The following GRM4 variants were observed in gnomAD, a reference collection of about 807,000 sequenced individuals.
GRM4 encodes glutamate metabotropic receptor 4, also known as metabotropic glutamate receptor 4.
Under a neutral mutation model 81.7 loss-of-function variants are expected in GRM4, and 28 were observed. That is an observed-to-expected ratio of 0.34 (90% CI 0.25 to 0.47). The LOEUF (loss-of-function observed/expected upper bound fraction) is 0.47. Among genes scored for constraint, GRM4 ranks in the 20% least tolerant of loss-of-function variants. GRM4 has a pLI of 1.00. For synonymous variants in GRM4, 488 were observed against 528.8 expected (o/e 0.92, Z 1.06); for missense variants, 948 against 1,290.0 (o/e 0.73, Z 4.06).
At chr6:34,101,838 A>G (rs1057226301) in intron 2 of GRM4, among the ~76,000 whole-genome samples, 11 of 152,256 alleles carry the variant, frequency 7.2e-5, no homozygotes, top group Non-Finnish European at 1.5e-4. Context: ...TAGAAATTCC[A>G]TCATCAAGCC....
intron 3 of GRM4, among the ~76,000 whole-genome samples, chr6:34,071,358 C>G (rs1003611219): frequency 1.2e-5 from 1 of 84,338 alleles, no homozygotes; most frequent in African/African-American, 4.6e-5. Context: ...GCACCACACA[C>G]ACACATCACC....
Position 34,077,268 on chromosome 6 carries a change from C to T in GRM4, c.736+14615G>A, listed in dbSNP as rs186224919. 7.2e-5 allele frequency among the ~76,000 whole-genome samples: 11 copies of T among 152,202 alleles called. No homozygotes were observed. The South Asian group carries it at 8.3e-4, about 11-fold the overall frequency. ...AACCAGAGAGGGGCCAGGATTTGCC[C>T]GAGGCTGACCAGCACATGCCGCTCT... On this transcript the variant is annotated intron_variant, in intron 3 of 10. Coordinates refer to ENST00000538487, the MANE Select transcript of GRM4 (RefSeq NM_000841.4).
rs34986686 is a variant in GRM4 at position 34,115,283 on chromosome 6, C to T, written c.519+17695G>A. Among the ~76,000 whole-genome samples the T allele has an allele frequency of 7.7e-3, 1,168 of 152,332 alleles. 8 individuals carry two copies. Among genetic ancestry groups the T allele is most frequent in the Middle Eastern group, 0.027 (8 of 292 alleles). ...GTGTGTGCATGCGTGTGGCCACCCC[C>T]GTGGGTGAGGACAGCAGGCACAACA... On this transcript the variant is annotated intron_variant, in intron 2 of 10. Transcript: ENST00000538487. The surrounding 1 kb of genome is among the most constrained non-coding windows in gnomAD (Gnocchi z 4.1).
intron 2 of GRM4, among the ~76,000 whole-genome samples, chr6:34,119,837 C>T (rs34587186): frequency 7.0e-4 from 106 of 152,220 alleles, no homozygotes; most frequent in Admixed American, 1.8e-3. Context: ...TTTGGTGGGG[C>T]GTAGAGGGGG....
chr6:34,041,537 T>C (rs1426880274), intron 6 of GRM4, among the ~76,000 whole-genome samples: 1 of 152,218 alleles, frequency 6.6e-6, no homozygotes, highest in African/African-American at 2.4e-5. Context: ...CACTGACCTC[T>C]GCTCTGGGGC....
chr6:34,155,134 C>T (rs975263078), exon 1 of GRM4: 2 of 1,534,396 alleles, frequency 1.3e-6, no homozygotes, highest in African/African-American at 1.4e-5. Context: ...TTCAGGGCTG[C>T]TTCCCAGCTG....
chr6:34,128,646 G>A (rs920591525), intron 2 of GRM4, among the ~76,000 whole-genome samples: 1 of 152,116 alleles, frequency 6.6e-6, no homozygotes, highest in Admixed American at 6.5e-5. Flanking sequence ...CCAAAGTGCT[G>A]GGATTACAGG....
chr6:34,028,077 G>C, intron 10 of GRM4, 43 bp downstream of exon 10: 2 of 1,575,208 alleles, frequency 1.3e-6, no homozygotes, highest in Non-Finnish European at 1.7e-6. Flanking sequence ...CAAAAGGAGC[G>C]GGGCCTGGGG....
rs1767234986 is a variant in GRM4, at chr6:34,074,901, C to A, written c.737-12873G>T. On this transcript the variant is annotated intron_variant, in intron 3 of 10. Coordinates refer to ENST00000538487, the MANE Select transcript of GRM4 (RefSeq NM_000841.4). The surrounding 1 kb of genome is among the most constrained non-coding windows in gnomAD (Gnocchi z 4.9). ...GGTCCCTACCCCAGGTCAACCCACC[C>A]AGGCCCTACTGTCCCCCACCCTCAG... 6.6e-6 allele frequency among the ~76,000 whole-genome samples: 1 copy of A among 152,170 alleles called. No homozygotes were observed. The highest frequency in any genetic ancestry group is 2.4e-5 in the African/African-American group (1 of 41,438).
intron 5 of GRM4, among the ~76,000 whole-genome samples, chr6:34,057,425 G>T (rs541254089): frequency 6.6e-6 from 1 of 152,346 alleles, no homozygotes; most frequent in South Asian, 2.1e-4. Flanking sequence ...CGGCCACGTG[G>T]CAGGAGACGC....
Position 34,130,761 on chromosome 6 carries a change from C to T in GRM4, c.519+2217G>A, listed in dbSNP as rs914750895. Among the ~76,000 whole-genome samples the T allele has an allele frequency of 9.2e-5, 14 of 152,262 alleles. No individual in the cohort carries two copies. Among genetic ancestry groups the T allele is most frequent in the East Asian group, 1.9e-4 (1 of 5,206 alleles). On this transcript the variant is annotated intron_variant, in intron 2 of 10. Coordinates refer to ENST00000538487, the MANE Select transcript of GRM4 (RefSeq NM_000841.4). The surrounding 1 kb of genome is among the most constrained non-coding windows in gnomAD (Gnocchi z 4.1). ...CTCCCTGTAAAGTAGGCACTCACTC[C>T]GCTCTGGAAAACAGGGGAAGGGATC...
upstream of GRM4, among the ~76,000 whole-genome samples, chr6:34,147,158 T>G (rs1770954188): frequency 6.6e-6 from 1 of 152,244 alleles, no homozygotes; most frequent in South Asian, 2.1e-4. Flanking sequence ...CCAATCGGTC[T>G]GAAGTCTCTG....
At chr6:34,116,885 C>T (rs1005569336) in intron 2 of GRM4, among the ~76,000 whole-genome samples, 2 of 152,186 alleles carry the variant, frequency 1.3e-5, no homozygotes, top group Admixed American at 6.5e-5. Flanking sequence ...GGGGTTCTCA[C>T]AGACAATGTG....
At chr6:34,077,173 C>G (rs1260161662) in intron 3 of GRM4, among the ~76,000 whole-genome samples, 1 of 152,110 alleles carries the variant, frequency 6.6e-6, no homozygotes, top group African/African-American at 2.4e-5. Context: ...CCACATATTT[C>G]CCCACATGTC....
chr6:34,066,693 G>T (rs540915192), intron 3 of GRM4, among the ~76,000 whole-genome samples: 1 of 151,948 alleles, frequency 6.6e-6, no homozygotes, highest in Non-Finnish European at 1.5e-5. Context: ...GGAGAAGAGA[G>T]GAACAGGACT....
intron 2 of GRM4, among the ~76,000 whole-genome samples, chr6:34,105,276 C>T (rs1769063934): frequency 6.6e-6 from 1 of 152,064 alleles, no homozygotes; most frequent in Admixed American, 6.5e-5. Flanking sequence ...GCTCTGGGGG[C>T]TTCCACTGGG....
At position 34,035,206 on chromosome 6, in the gene GRM4, C is replaced by T. The variant is rs1764624022; in HGVS notation, c.2442+462G>A. On this transcript the variant is annotated intron_variant, in intron 9 of 10. Transcript: ENST00000538487. The surrounding 1 kb of genome is among the most constrained non-coding windows in gnomAD (Gnocchi z 6.6). ...ATGAAGAGTGAAGGAGGGTACAGCG[C>T]TCCAGGCTTATGGAGGGGGGAAGGG... Among the ~76,000 whole-genome samples the T allele has an allele frequency of 1.3e-5, 2 of 150,108 alleles. No individual in the cohort carries two copies. The highest frequency in any genetic ancestry group is 4.9e-5 in the African/African-American group (2 of 40,602).
At chr6:34,044,455 GAC>G (rs368048670) in intron 6 of GRM4, among the ~76,000 whole-genome samples, 21 of 103,768 alleles carry the variant, frequency 2.0e-4, no homozygotes, top group South Asian at 6.3e-4. Context: ...CACATATATA[GAC>G]ACACACACAG....
Position 34,059,347 on chromosome 6 carries a change from C to T in GRM4, c.873-219G>A. On this transcript the variant is annotated intron_variant, in intron 4 of 10. Coordinates refer to ENST00000538487, the MANE Select transcript of GRM4 (RefSeq NM_000841.4). The surrounding 1 kb of genome is among the most constrained non-coding windows in gnomAD (Gnocchi z 5.7). The stretch of plus-strand genomic sequence containing the variant: ...GCTACCGCCTCATCCAACCTGCCTG[C>T]CCCTGGGCCCACGCCTGCTGCAGGC... 1 of 580,342 alleles carries T rather than the reference C, an allele frequency of 1.7e-6. No homozygotes were observed. Among genetic ancestry groups the T allele is most frequent in the Non-Finnish European group, 3.1e-6 (1 of 323,572 alleles). 35.9% of individuals were successfully genotyped at this position (580,342 alleles called of 1,614,324 possible).
Sources: gnomAD v4.1 joint callset for allele counts (sites outside exome capture counted in the v4.1 genomes callset) on GRCh38, gnomAD v4.1.1 for gene constraint, Gnocchi (gnomAD v3.1) non-coding constraint, MANE v1.5 for transcripts, NCBI Gene and HGNC (gene_info 2026-07-23, HGNC 2026-07-21) for gene names.